The following FEZ2 variants were observed in gnomAD, a reference collection of about 807,000 sequenced individuals.
FEZ2 encodes the protein fasciculation and elongation protein zeta-2.
In FEZ2, 51 loss-of-function variants were observed where a neutral mutation model predicts 40.4. That is an observed-to-expected ratio of 1.26 (90% CI 1.01 to 1.59). The LOEUF (loss-of-function observed/expected upper bound fraction) is 1.59. Ranked by LOEUF, FEZ2 falls within the 40% of genes most tolerant of loss-of-function variation. The pLI is 0.00. For synonymous variants in FEZ2, 242 were observed against 172.0 expected, an observed-to-expected ratio of 1.41 and a Z score of -3.18; for missense variants, 640 against 438.3, an observed-to-expected ratio of 1.46 and a Z score of -4.11.
chr2:36,588,828 A>C (rs1335887288), intron 2 of FEZ2, among the ~76,000 whole-genome samples: 2 of 151,978 alleles, frequency 1.3e-5, no homozygotes, highest in Non-Finnish European at 1.5e-5. Flanking sequence ...AGCAGATGTG[A>C]AACCAGAGAA....
intron 5 of FEZ2, chr2:36,559,372 T>C (rs1231956474): frequency 6.6e-6 from 1 of 152,210 alleles, no homozygotes; most frequent in African/African-American, 2.4e-5. Context: ...CCAGTGGTTT[T>C]TACCTGGAAT....
In FEZ2 at chr2:36,581,190, CAGA is replaced by C. The variant is rs1668731840; in HGVS notation, c.634+97_634+99del. On this transcript the variant is annotated intron_variant, in intron 4 of 7. Transcript: ENST00000405912. ...ATGTAAATTTGGACACAAACACAAA[CAGA>C]AGGAGGATGAAATCAAAGCTTTCTG... is the stretch of plus-strand genomic sequence containing the variant. 9.8e-6 allele frequency: 11 copies of C among 1,120,620 alleles called. No individual in the cohort carries two copies. The South Asian group carries it at 1.5e-4, about 16-fold the overall frequency. The allele number at this position is 1,120,620 out of a possible 1,614,324, so 69.4% of individuals were successfully genotyped here. A position where few individuals can be genotyped will look rare whatever the true frequency, so the allele number is the denominator to read the frequency against.
chr2:36,575,483 C>T (rs1668542036), intron 5 of FEZ2, among the ~76,000 whole-genome samples: 1 of 152,188 alleles, frequency 6.6e-6, no homozygotes, highest in African/African-American at 2.4e-5. Flanking sequence ...GTCATCCTGC[C>T]CACTGTATCT....
chr2:36,567,205 C>G (rs1053718747), intron 5 of FEZ2, among the ~76,000 whole-genome samples: 1 of 151,826 alleles, frequency 6.6e-6, no homozygotes, highest in African/African-American at 2.4e-5. Context: ...ACCCAAGAGC[C>G]TTAGAGCCTA....
At chr2:36,556,194 A>G in intron 6 of FEZ2, 1 of 316,332 alleles carries the variant, frequency 3.2e-6, no homozygotes, top group South Asian at 3.0e-5. Flanking sequence ...CCCTCCAACA[A>G]GCGTATCCTG....
At chr2:36,591,545 A>G in intron 1 of FEZ2, 1 of 152,902 alleles carries the variant, frequency 6.5e-6, no homozygotes, top group Non-Finnish European at 1.5e-5. Flanking sequence ...TCCTTTCTGG[A>G]GAAAGAATTC....
chr2:36,593,431 G>C (rs1443147818), intron 1 of FEZ2, among the ~76,000 whole-genome samples: 2 of 152,046 alleles, frequency 1.3e-5, no homozygotes, highest in African/African-American at 4.8e-5. Context: ...CTTTTGCCTG[G>C]GCATCCAGGC....
chr2:36,598,120 T>C lies in FEZ2; in HGVS notation c.23A>G (p.Gln8Arg), dbSNP rs1188949696. The change falls in exon 1 of 8, where the codon CAG becomes CGG. Residue 8 changes from glutamine (Q) to arginine (R), a missense_variant. By Grantham distance (43) the Gln-to-Arg change is conservative. Coordinates refer to ENST00000405912, the MANE Select transcript of FEZ2 (RefSeq NM_005102.3). MAADGDWQDFYEFQEPAR... is the reference protein window; with the variant it reads MAADGDWRDFYEFQEPAR... ...CGGCTCCTGGAACTCATAGAAATCCTGCCAGTCCCCGTCCGCCGCCATCGC... is the reference window on the plus strand; with the variant it reads ...CGGCTCCTGGAACTCATAGAAATCCCGCCAGTCCCCGTCCGCCGCCATCGC... 4.0e-5 allele frequency: 59 copies of C among 1,477,008 alleles called. No homozygotes were observed. Among genetic ancestry groups the C allele is most frequent in the Non-Finnish European group, 4.8e-5 (54 of 1,123,672 alleles). 91.5% of individuals were successfully genotyped at this position (1,477,008 alleles called of 1,614,324 possible).
chr2:36,584,452 T>TA (rs1209098616), intron 2 of FEZ2, among the ~76,000 whole-genome samples: 1 of 152,194 alleles, frequency 6.6e-6, no homozygotes, highest in South Asian at 2.1e-4. Context: ...GTACTGATTG[T>TA]AAAAACTTTG....
At chr2:36,592,644 CAAAAAAAA>C (rs34717975) in intron 1 of FEZ2, among the ~76,000 whole-genome samples, 36 of 74,574 alleles carry the variant, frequency 4.8e-4, no homozygotes, top group East Asian at 9.7e-4. Context: ...CACATCTCTA[CAAAAAAAA>C]AAAAAAAAAA....
chr2:36,575,145 T>C (rs1668524372), intron 5 of FEZ2, among the ~76,000 whole-genome samples: 1 of 152,202 alleles, frequency 6.6e-6, no homozygotes, highest in Non-Finnish European at 1.5e-5. Flanking sequence ...GACTATAAGC[T>C]CCAGGAAGGC....
At chr2:36,586,722 C>G (rs2125239353) in intron 2 of FEZ2, among the ~76,000 whole-genome samples, 1 of 152,226 alleles carries the variant, frequency 6.6e-6, no homozygotes, top group Middle Eastern at 3.4e-3. Context: ...GGGAGGATCT[C>G]CTGAGGTCAG....
intron 4 of FEZ2, among the ~76,000 whole-genome samples, chr2:36,579,395 C>T (rs1011640463): frequency 1.3e-5 from 2 of 152,184 alleles, no homozygotes; most frequent in Admixed American, 6.5e-5. Context: ...TGTCCCCACC[C>T]AAATCTCATA....
In FEZ2 at chr2:36,552,508, T is replaced by C; in HGVS notation, c.*655A>G. On this transcript the variant is annotated 3_prime_UTR_variant, in exon 8 of 8. Transcript: ENST00000405912. ...ACACATGAAGCAGAACATTTGAAAA[T>C]CAAAACTTAAATACAAGATTCTAAA... 1 of 227,652 alleles carries C rather than the reference T, an allele frequency of 4.4e-6. No individual in the cohort carries two copies. The highest frequency in any genetic ancestry group is 5.7e-5 in the Admixed American group (1 of 17,680). The allele number at this position is 227,652 out of a possible 1,614,324, so 14.1% of individuals were successfully genotyped here.
At chr2:36,584,699 A>G (rs183736815) in intron 2 of FEZ2, among the ~76,000 whole-genome samples, 25 of 152,326 alleles carry the variant, frequency 1.6e-4, no homozygotes, top group Admixed American at 1.4e-3. Context: ...TTTACCTGGC[A>G]AAATTATTTA....
chr2:36,576,798 T>C (rs1481779852), intron 5 of FEZ2, among the ~76,000 whole-genome samples: 1 of 152,210 alleles, frequency 6.6e-6, no homozygotes, highest in Non-Finnish European at 1.5e-5. Context: ...TCAATATAAA[T>C]GCCATGTAAA....
In FEZ2 at chr2:36,579,549, C is replaced by A. The variant is rs558297583; in HGVS notation, c.635-684G>T. ...TGGTTGTTTAAAAGTGTGTGGCACTCCCCCCAGCCCCCTTCCTCCTGCTCC... is the reference window on the plus strand; with the variant it reads ...TGGTTGTTTAAAAGTGTGTGGCACTACCCCCAGCCCCCTTCCTCCTGCTCC... On this transcript the variant is annotated intron_variant, in intron 4 of 7. Transcript: ENST00000405912. 1.6e-4 allele frequency among the ~76,000 whole-genome samples: 24 copies of A among 152,054 alleles called. 1 individual carries two copies. Among genetic ancestry groups the A allele is most frequent in the African/African-American group, 4.3e-4 (18 of 41,476 alleles).
chr2:36,591,947 C>A (rs1669085915), intron 1 of FEZ2, among the ~76,000 whole-genome samples: 1 of 152,104 alleles, frequency 6.6e-6, no homozygotes, highest in African/African-American at 2.4e-5. Context: ...CAAACCACAC[C>A]AGATAAGAAC....
At chr2:36,579,548 T>TC (rs1335921519) in intron 4 of FEZ2, among the ~76,000 whole-genome samples, 1 of 151,682 alleles carries the variant, frequency 6.6e-6, no homozygotes, top group Non-Finnish European at 1.5e-5. Context: ...TGTGTGGCAC[T>TC]CCCCCCAGCC....
Sources: allele counts gnomAD v4.1 joint callset (sites outside exome capture counted in the v4.1 genomes callset), GRCh38; gene constraint gnomAD v4.1.1; transcripts MANE v1.5; gene names NCBI Gene and HGNC (gene_info 2026-07-23, HGNC 2026-07-21).